The following BAG6 variants were observed in gnomAD, a reference collection of about 807,000 sequenced individuals.
BAG6 encodes the protein BAG cochaperone 6, also known as large proline-rich protein BAG6.
In BAG6, 22 loss-of-function variants were observed where a neutral mutation model predicts 121.0. The ratio of observed to expected loss-of-function variants is 0.18; its 90% confidence interval spans 0.13 to 0.26. The LOEUF is 0.26. BAG6 is among the 10% of genes least tolerant of loss of function. The pLI is 1.00. For synonymous variants in BAG6, 583 were observed against 584.6 expected (o/e 1.00, Z 0.04); for missense variants, 1,233 against 1,537.7 (o/e 0.80, Z 3.31).
Position 31,641,665 on chromosome 6 carries a change from T to C in BAG6, c.2506-73A>G. On this transcript the variant is annotated intron_variant, in intron 17 of 25. Transcript: ENST00000676615. The surrounding 1 kb of genome is among the most constrained non-coding windows in gnomAD (Gnocchi z 5.7). ...AGACTTCCACCTCGACCCCAACAAG[T>C]CCAGGGCTTGTGTGGGGGCAATTGG... is the stretch of plus-strand genomic sequence containing the variant. 1.2e-6 allele frequency: 2 copies of C among 1,608,540 alleles called. No homozygotes were observed. Among genetic ancestry groups the C allele is most frequent in the Non-Finnish European group, 1.7e-6 (2 of 1,174,992 alleles).
chr6:31,643,264 A>G, intron 14 of BAG6, 149 bp from the exon 15 acceptor site: 1 of 795,386 alleles, frequency 1.3e-6, no homozygotes, highest in Non-Finnish European at 1.9e-6. Context: ...GAAAAAAAAA[A>G]AGACAATTAC....
chr6:31,646,619 C>A (rs1789610526), intron 7 of BAG6, 96 bp from the exon 8 acceptor site: 1 of 1,500,580 alleles, frequency 6.7e-7, no homozygotes, highest in South Asian at 1.3e-5. Flanking sequence ...TCTCCCTGGT[C>A]TCCCAGAGCC....
At chr6:31,652,357 A>ACACACACACCCC (rs878991736) in intron 1 of BAG6, 67 bp downstream of exon 1, 4 of 143,170 alleles carry the variant, frequency 2.8e-5, no homozygotes, top group East Asian at 2.0e-4. Flanking sequence ...ACACACACAC[A>ACACACACACCCC]CACCCACCAC....
chr6:31,648,810 C>G, intron 5 of BAG6, 59 bp from the exon 6 acceptor site: 1 of 1,604,328 alleles, frequency 6.2e-7, no homozygotes, highest in Non-Finnish European at 8.5e-7. Context: ...GTTCTACCAC[C>G]TACTAAATCA....
chr6:31,646,622 C>T (rs1789627237), intron 7 of BAG6, 99 bp from the exon 8 acceptor site: 6 of 1,494,724 alleles, frequency 4.0e-6, no homozygotes, highest in Non-Finnish European at 5.4e-6. Context: ...CCCTGGTCTC[C>T]CAGAGCCCTG....
intron 1 of BAG6, 84 bp from the exon 2 acceptor site, chr6:31,651,860 C>T: frequency 2.0e-6 from 2 of 988,838 alleles, no homozygotes; most frequent in South Asian, 1.3e-5. Flanking sequence ...ATCCCTGCCC[C>T]AATACCTAAA....
chr6:31,646,963 C>CG (rs1790366023), intron 7 of BAG6, among the ~76,000 whole-genome samples: 1 of 151,790 alleles, frequency 6.6e-6, no homozygotes, highest in Admixed American at 6.6e-5. Flanking sequence ...TTAGTAGAGA[C>CG]GGGGTTTCAT....
At position 31,640,527 on chromosome 6, in the gene BAG6, C is replaced by T. The variant is rs1781681456; in HGVS notation, c.2996G>A (p.Arg999Gln). Reference sequence around the variant, plus strand: ...TCCAGGGGCTGGGGAAGCATTCTCCCGCTGGGTGTCAGATGGCGGGAAGAG... The same window carrying T: ...TCCAGGGGCTGGGGAAGCATTCTCCTGCTGGGTGTCAGATGGCGGGAAGAG... ...GAERASPEPQ[R>Q]ENASPAPGTT... The change falls in exon 23 of 26, where the codon CGG becomes CAG. Residue 999 changes from arginine (R) to glutamine (Q), a missense_variant and splice_region_variant. Physicochemically the swap from Arg to Gln is conservative, Grantham distance 43. Around this residue, in one of 7 missense-constraint regions of BAG6, gnomAD observed 288 missense variants for 483.1 expected, o/e 0.60. Coordinates refer to ENST00000676615, the MANE Select transcript of BAG6 (RefSeq NM_001387994.1). The surrounding 1 kb of genome is among the most constrained non-coding windows in gnomAD (Gnocchi z 4.2). 6 of 1,612,952 alleles carry T rather than the reference C, an allele frequency of 3.7e-6. No homozygotes were observed. In the East Asian group the frequency reaches 6.7e-5, roughly 18 times the overall value.
At position 31,641,069 on chromosome 6, in the gene BAG6, A is replaced by G. The variant is rs755933432; in HGVS notation, c.2787+35T>C. 1 of 1,610,656 alleles carries G rather than the reference A, an allele frequency of 6.2e-7. No individual in the cohort carries two copies. Among genetic ancestry groups the G allele is most frequent in the East Asian group, 2.2e-5 (1 of 44,846 alleles). ...GCAGAGAATGGAAACCTCAGGAAAC[A>G]AAAGGCTAAGGATCTGGGGCTAGGT... On this transcript the variant is annotated intron_variant, in intron 20 of 25. Transcript: ENST00000676615. The surrounding 1 kb of genome is among the most constrained non-coding windows in gnomAD (Gnocchi z 5.7).
chr6:31,645,144 T>A lies in BAG6; in HGVS notation c.1171A>T (p.Thr391Ser). The change falls in exon 10 of 26, where the codon ACT becomes TCT. Residue 391 changes from threonine to serine, a missense_variant. By Grantham distance (58) the Thr-to-Ser change is moderately conservative. This residue lies in a region of BAG6 where 777 missense variants were observed against 861.4 expected (regional missense o/e 0.90). Transcript: ENST00000676615. Reference protein sequence around the residue: ...MTGNGTRPPPTPNAEAPPPGP... With the variant: ...MTGNGTRPPPSPNAEAPPPGP... ...GGGGGAGGTGCCTCTGCATTGGGAG[T>A]TGGGGGGGGCCGAGTCCCATTTCCT... The A allele has an allele frequency of 1.9e-6, 3 of 1,612,450 alleles. No homozygotes were observed. The highest frequency in any genetic ancestry group is 2.5e-6 in the Non-Finnish European group (3 of 1,179,836).
chr6:31,648,974 G>C lies in BAG6; in HGVS notation c.424-10C>G. On this transcript the variant is annotated splice_polypyrimidine_tract_variant and intron_variant, in intron 4 of 25. Transcript: ENST00000676615. ...CAGCAGAGCCGTCACTCTGGGGAAA[G>C]GGTAAGGGAAGTTGTTCTGGGAGAA... 6.6e-7 allele frequency: 1 copy of C among 1,525,384 alleles called. No homozygotes were observed. Among genetic ancestry groups the C allele is most frequent in the Non-Finnish European group, 8.8e-7 (1 of 1,140,368 alleles). 94.5% of individuals were successfully genotyped at this position (1,525,384 alleles called of 1,614,324 possible).
chr6:31,645,651 G>T, intron 8 of BAG6, 47 bp from the exon 9 acceptor site: 1 of 1,595,140 alleles, frequency 6.3e-7, no homozygotes, highest in Non-Finnish European at 8.5e-7. Flanking sequence ...TATCAAGCTG[G>T]AGTCCATCTC....
chr6:31,643,252 C>CA, intron 14 of BAG6, 137 bp from the exon 15 acceptor site: 2 of 824,334 alleles, frequency 2.4e-6, no homozygotes, highest in Non-Finnish European at 3.6e-6. Flanking sequence ...CCATCTCTAC[C>CA]AGAAAAAAAA....
chr6:31,651,939 G>A (rs1006486982), intron 1 of BAG6, 163 bp from the exon 2 acceptor site: 13 of 567,218 alleles, frequency 2.3e-5, no homozygotes, highest in Admixed American at 5.5e-5. Flanking sequence ...GGCACAGGGA[G>A]AGAAACACAA....
chr6:31,647,564 C>T, intron 7 of BAG6, 27 bp downstream of exon 7: 1 of 1,608,124 alleles, frequency 6.2e-7, no homozygotes, highest in Non-Finnish European at 8.5e-7. Context: ...GATTCCCCAC[C>T]CACTAAAGAT....
In BAG6 at chr6:31,646,394, A is replaced by G. The variant is rs1057018003; in HGVS notation, c.918T>C (p.Asn306=). The change falls in exon 8 of 26, where the codon AAT becomes AAC. Residue 306 remains asparagine, a splice_region_variant and synonymous_variant. Coordinates refer to ENST00000676615, the MANE Select transcript of BAG6 (RefSeq NM_001387994.1). ...GAAATTDYNN[N]HEGREEDQRL... ...AGGGCAGGGCCATCAAAGGGCTCAC[A>G]TTGTTATTGTAGTCCGTGGTGGCAG... 6 of 1,612,658 alleles carry G rather than the reference A, an allele frequency of 3.7e-6. No homozygotes were observed. The highest frequency in any genetic ancestry group is 5.1e-6 in the Non-Finnish European group (6 of 1,179,820).
rs775312039 is a variant in BAG6, at chr6:31,645,209, CA to C, written c.1117-12del. ...GGTTCCCACATTGATCTGAAAAAGA[CA>C]GATGGACAGGCAGATGTGAGAAAAA... On this transcript the variant is annotated splice_polypyrimidine_tract_variant and intron_variant, in intron 9 of 25. Transcript: ENST00000676615. 3.7e-6 allele frequency: 6 copies of C among 1,604,988 alleles called. No individual in the cohort carries two copies. The Admixed American group carries it at 5.1e-5, about 14-fold the overall frequency.
At position 31,639,616 on chromosome 6, in the gene BAG6, G is replaced by C. The variant is rs570410084; in HGVS notation, c.3277C>G (p.Leu1093Val). The change falls in exon 25 of 26, where the codon CTC becomes GTC. Residue 1093 changes from leucine (L) to valine (V), a missense_variant. Coordinates refer to ENST00000676615, the MANE Select transcript of BAG6 (RefSeq NM_001387994.1). The part of the protein sequence containing the change: ...TMQGEGPQLL[L>V]SEAVSRAAKA... ...GCTGCCCGGCTCACAGCCTCTGAGA[G>C]AAGCAGCTGGGGGCCCTCACCCTGC... 1.9e-6 allele frequency: 3 copies of C among 1,613,396 alleles called. No homozygotes were observed. The highest frequency in any genetic ancestry group is 1.1e-5 in the South Asian group (1 of 91,020).
chr6:31,652,380 C>A (rs2081343806), intron 1 of BAG6, 44 bp downstream of exon 1: 1 of 152,962 alleles, frequency 6.5e-6, no homozygotes, highest in Non-Finnish European at 1.4e-5. Flanking sequence ...CGCGGCTCCG[C>A]CCCCGACTTC....
Sources: allele counts gnomAD v4.1 joint callset (sites outside exome capture counted in the v4.1 genomes callset), GRCh38; gene constraint gnomAD v4.1.1; regional missense constraint gnomAD v4.1.1; non-coding constraint Gnocchi (gnomAD v3.1); transcripts MANE v1.5; gene names NCBI Gene and HGNC (gene_info 2026-07-23, HGNC 2026-07-21).